Variants in TMTC2 observed in about 807,000 individuals in gnomAD.
TMTC2 encodes the protein transmembrane O-mannosyltransferase targeting cadherins 2, also known as protein O-mannosyl-transferase TMTC2.
Under a neutral mutation model 82.4 loss-of-function variants are expected in TMTC2, and 43 were observed. That is an observed-to-expected ratio of 0.52 (90% confidence interval 0.41 to 0.67). The LOEUF (loss-of-function observed/expected upper bound fraction) is 0.67. Among genes scored for constraint, TMTC2 ranks in the 30% least tolerant of loss-of-function variants. TMTC2 has a pLI of 0.00. For synonymous variants in TMTC2, 408 were observed against 381.9 expected, an observed-to-expected ratio of 1.07 and a Z score of -0.80; for missense variants, 919 against 1,012.4, an observed-to-expected ratio of 0.91 and a Z score of 1.25.
intron 8 of TMTC2, among the ~76,000 whole-genome samples, chr12:83,012,758 G>A (rs1224151843): frequency 6.6e-6 from 1 of 152,146 alleles, no homozygotes; most frequent in African/African-American, 2.4e-5. Context: ...GAGGGAATTT[G>A]TAGAATTTCA....
chr12:82,725,117 G>C (rs959912289), intron 1 of TMTC2, among the ~76,000 whole-genome samples: 1 of 151,798 alleles, frequency 6.6e-6, no homozygotes, highest in African/African-American at 2.4e-5. Flanking sequence ...TTTTTCAACA[G>C]TGTTGATTTT....
At chr12:82,881,209 T>A (rs1019470696) in intron 2 of TMTC2, among the ~76,000 whole-genome samples, 2 of 152,236 alleles carry the variant, frequency 1.3e-5, no homozygotes, top group Non-Finnish European at 2.9e-5. Context: ...CTGTTTTAAC[T>A]GATTTGAAGT....
chr12:83,052,072 A>G (rs1372207791), intron 10 of TMTC2, among the ~76,000 whole-genome samples: 2 of 152,116 alleles, frequency 1.3e-5, no homozygotes. Context: ...GCTTCATTAA[A>G]TGACTTCTAT....
intron 2 of TMTC2, among the ~76,000 whole-genome samples, chr12:82,860,948 T>C (rs979935571): frequency 6.6e-6 from 1 of 152,216 alleles, no homozygotes; most frequent in Admixed American, 6.5e-5. Flanking sequence ...TTTCTATGCC[T>C]GGGGTGAGTT....
At position 82,895,934 on chromosome 12, in the gene TMTC2, C is replaced by A. The variant is rs998458662; in HGVS notation, c.771C>A (p.Asp257Glu). The A allele has an allele frequency of 9.3e-6, 15 of 1,613,960 alleles. No individual in the cohort carries two copies. Among genetic ancestry groups the A allele is most frequent in the Non-Finnish European group, 1.3e-5 (15 of 1,180,010 alleles). ...AACCACCAAGCTTTTCCAACTCGGA[C>A]AACCCCGCTGCTGATTCGGACAGCC... ...GNKPPSFSNSDNPAADSDSLL... is the reference protein window; with the variant it reads ...GNKPPSFSNSENPAADSDSLL... Residue 257 changes from aspartate (D) to glutamate (E), a missense_variant, in exon 3 of 12, where the codon GAC becomes GAA. Transcript: ENST00000321196.
chr12:83,055,705 G>GGTGTGTGT lies in TMTC2; in HGVS notation c.2267+4708_2267+4715dup, dbSNP rs58129444. Among the ~76,000 whole-genome samples, 383 of 147,970 alleles carry GGTGTGTGT rather than the reference G, an allele frequency of 2.6e-3. 4 individuals are homozygous for GGTGTGTGT. The highest frequency in any genetic ancestry group is 9.1e-3 in the African/African-American group (367 of 40,464). Reference sequence around the variant, plus strand: ...AGCATTCATAGGCTCTAGTGGAAGGGGTGTGTGTGTGTGTGTGTGTGTGTG... The same window carrying GGTGTGTGT: ...AGCATTCATAGGCTCTAGTGGAAGGGGTGTGTGTGTGTGTGTGTGTGTGTGTGTGTGTG... On this transcript the variant is annotated intron_variant, in intron 10 of 11. Transcript: ENST00000321196.
At chr12:83,125,428 T>C (rs1331685277) in intron 11 of TMTC2, among the ~76,000 whole-genome samples, 2 of 152,192 alleles carry the variant, frequency 1.3e-5, no homozygotes, top group Non-Finnish European at 2.9e-5. Flanking sequence ...TCTTATTTTG[T>C]ACAAATGTTA....
chr12:82,847,233 T>A (rs1297562237), intron 1 of TMTC2, among the ~76,000 whole-genome samples: 1 of 152,200 alleles, frequency 6.6e-6, no homozygotes, highest in Non-Finnish European at 1.5e-5. Context: ...CAAAGACATG[T>A]GGCTAAGCCA....
rs115075708 is a variant in TMTC2 at position 83,024,653 on chromosome 12, G to C, written c.2071-6145G>C. Among the ~76,000 whole-genome samples the C allele has an allele frequency of 6.0e-3, 910 of 152,250 alleles. 15 individuals carry two copies. Among genetic ancestry groups the C allele is most frequent in the African/African-American group, 0.021 (869 of 41,560 alleles). On this transcript the variant is annotated intron_variant, in intron 8 of 11. Coordinates refer to ENST00000321196, the MANE Select transcript of TMTC2 (RefSeq NM_152588.3). ...AAATGAAGTTCTCTGGTTTGTTCTTGATTTTGTTCTAGTTGATATTCCTAC... is the reference window on the plus strand; with the variant it reads ...AAATGAAGTTCTCTGGTTTGTTCTTCATTTTGTTCTAGTTGATATTCCTAC...
chr12:82,925,120 A>T (rs971031467), intron 3 of TMTC2, among the ~76,000 whole-genome samples: 1 of 152,176 alleles, frequency 6.6e-6, no homozygotes, highest in Non-Finnish European at 1.5e-5. Context: ...GCTCGTAGAG[A>T]TCATACCTAT....
At chr12:82,724,944 G>C (rs1162355342) in intron 1 of TMTC2, among the ~76,000 whole-genome samples, 2 of 152,128 alleles carry the variant, frequency 1.3e-5, no homozygotes, top group Non-Finnish European at 2.9e-5. Context: ...GGCATCAGGC[G>C]ATCAGGGGAT....
intron 10 of TMTC2, among the ~76,000 whole-genome samples, chr12:83,055,657 A>G (rs3901353): frequency 0.34 from 51,156 of 151,718 alleles, 9,113 homozygotes; most frequent in South Asian, 0.46. Flanking sequence ...AGAGGGACTA[A>G]AAACAAACTT....
At chr12:82,801,660 C>T (rs1323718675) in intron 1 of TMTC2, among the ~76,000 whole-genome samples, 1 of 152,000 alleles carries the variant, frequency 6.6e-6, no homozygotes, top group Non-Finnish European at 1.5e-5. Flanking sequence ...CAGATTGGTG[C>T]ACCTACAAAC....
intron 11 of TMTC2, among the ~76,000 whole-genome samples, chr12:83,105,676 T>C (rs1245023014): frequency 6.6e-6 from 1 of 152,024 alleles, no homozygotes; most frequent in Non-Finnish European, 1.5e-5. Context: ...AGGCCCCACC[T>C]CTAACACTGG....
intron 1 of TMTC2, among the ~76,000 whole-genome samples, chr12:82,735,120 C>T (rs1356687654): frequency 2.0e-5 from 3 of 152,140 alleles, no homozygotes. Context: ...GCCTTGAGCA[C>T]AGAATTTCAG....
At chr12:83,028,755 C>T (rs1276533766) in intron 8 of TMTC2, among the ~76,000 whole-genome samples, 1 of 152,074 alleles carries the variant, frequency 6.6e-6, no homozygotes, top group African/African-American at 2.4e-5. Context: ...ATTAGGCTGC[C>T]TGATTTGTTA....
intron 11 of TMTC2, among the ~76,000 whole-genome samples, chr12:83,081,347 CCTTTT>C (rs1883461555): frequency 6.6e-6 from 1 of 152,106 alleles, no homozygotes; most frequent in Non-Finnish European, 1.5e-5. Flanking sequence ...TAATTTATTT[CCTTTT>C]CTTTAACAAG....
intron 1 of TMTC2, among the ~76,000 whole-genome samples, chr12:82,799,467 G>A (rs1426432351): frequency 2.0e-5 from 3 of 152,158 alleles, no homozygotes; most frequent in Non-Finnish European, 4.4e-5. Context: ...TAGGGGGTAC[G>A]AGTTTCCCAG....
intron 1 of TMTC2, among the ~76,000 whole-genome samples, chr12:82,736,597 G>A (rs1460511506): frequency 6.6e-6 from 1 of 152,062 alleles, no homozygotes; most frequent in Admixed American, 6.5e-5. Flanking sequence ...CCTTTACTAG[G>A]TTATGTTTTC....
Sources: allele counts gnomAD v4.1 joint callset (sites outside exome capture counted in the v4.1 genomes callset), GRCh38; gene constraint gnomAD v4.1.1; transcripts MANE v1.5; gene names NCBI Gene and HGNC (gene_info 2026-07-23, HGNC 2026-07-21).